The following CCDC178 variants were observed in gnomAD, a reference collection of about 807,000 sequenced individuals.
CCDC178 encodes coiled-coil domain containing 178, also known as coiled-coil domain-containing protein 178.
CCDC178 carries 126 observed loss-of-function variants against 117.4 expected under a neutral mutation model. That is an observed-to-expected ratio of 1.07 (90% CI 0.93 to 1.24). The LOEUF (loss-of-function observed/expected upper bound fraction) is 1.24, where lower values mean the gene tolerates loss of function less well. Among genes scored for constraint, CCDC178 ranks in the 50% most tolerant of loss-of-function variants. CCDC178 has a pLI of 0.00. For missense variants in CCDC178, 1,030 were observed against 986.9 expected, an observed-to-expected ratio of 1.04 and a Z score of -0.59; for synonymous variants, 283 against 313.4, an observed-to-expected ratio of 0.90 and a Z score of 1.02.
At chr18:32,993,018 T>C (rs1047054801) in intron 21 of CCDC178, among the ~76,000 whole-genome samples, 26 of 151,850 alleles carry the variant, frequency 1.7e-4, no homozygotes, top group African/African-American at 6.0e-4. Context: ...ATACAAAAAT[T>C]AGCAGGGCGT....
At chr18:33,282,002 A>G (rs1460629810) in intron 12 of CCDC178, among the ~76,000 whole-genome samples, 1 of 152,222 alleles carries the variant, frequency 6.6e-6, no homozygotes, top group Non-Finnish European at 1.5e-5. Context: ...AGGCACTGAG[A>G]CTACTGGCGT....
intron 21 of CCDC178, among the ~76,000 whole-genome samples, chr18:33,035,556 A>G (rs1472436016): frequency 1.3e-5 from 2 of 152,002 alleles, no homozygotes; most frequent in Non-Finnish European, 2.9e-5. Context: ...TGTAGAACCC[A>G]AGAAAAAATA....
chr18:32,985,165 T>G (rs537411701), intron 21 of CCDC178, among the ~76,000 whole-genome samples: 1 of 152,026 alleles, frequency 6.6e-6, no homozygotes, highest in Non-Finnish European at 1.5e-5. Flanking sequence ...ATATAGTATA[T>G]TTTTACTTTT....
intron 21 of CCDC178, among the ~76,000 whole-genome samples, chr18:32,999,891 C>T (rs1324769236): frequency 6.6e-6 from 1 of 151,920 alleles, no homozygotes; most frequent in Non-Finnish European, 1.5e-5. Context: ...CAGGTACAAA[C>T]AAGCCCATAC....
At chr18:33,423,263 T>C (rs2064056476) in intron 2 of CCDC178, among the ~76,000 whole-genome samples, 1 of 152,198 alleles carries the variant, frequency 6.6e-6, no homozygotes. Context: ...ATCAAAATCA[T>C]AATCCAATGA....
intron 2 of CCDC178, among the ~76,000 whole-genome samples, chr18:33,430,559 T>C (rs1160188729): frequency 6.6e-6 from 1 of 152,076 alleles, no homozygotes; most frequent in African/African-American, 2.4e-5. Flanking sequence ...CATGGAACCT[T>C]AGAAGCCATG....
At chr18:33,330,769 A>G (rs1474131589) in intron 10 of CCDC178, among the ~76,000 whole-genome samples, 1 of 152,090 alleles carries the variant, frequency 6.6e-6, no homozygotes, top group African/African-American at 2.4e-5. Context: ...TGCTTACAGG[A>G]TTCCTTCTTG....
chr18:32,954,774 C>T (rs907982676), intron 22 of CCDC178: 1 of 151,992 alleles, frequency 6.6e-6, no homozygotes, highest in African/African-American at 2.4e-5. Context: ...TCCCCAAACT[C>T]AGTAGTGTTA....
chr18:33,263,069 A>G (rs999091554), intron 14 of CCDC178, among the ~76,000 whole-genome samples: 4 of 152,176 alleles, frequency 2.6e-5, no homozygotes, highest in Admixed American at 6.5e-5. Flanking sequence ...CAACCTCCCT[A>G]GTAATCAAAT....
rs746505005 is a variant in CCDC178 at position 33,091,324 on chromosome 18, C to CTTTTTTTTTTTTTTTT, written c.2388+1421_2388+1436dup. Among the ~76,000 whole-genome samples the CTTTTTTTTTTTTTTTT allele has an allele frequency of 8.2e-3, 358 of 43,898 alleles. 153 individuals are homozygous for CTTTTTTTTTTTTTTTT. The highest frequency in any genetic ancestry group is 0.016 in the South Asian group (10 of 640). 28.8% of individuals were successfully genotyped at this position (43,898 alleles called of 152,430 possible). ...CTTTCCCAAACACACTTATTTCATT[C>CTTTTTTTTTTTTTTTT]TTTTTTTTTTTTTTTTTTTTTTTTT... is the stretch of plus-strand genomic sequence containing the variant. On this transcript the variant is annotated intron_variant, in intron 21 of 22. Coordinates refer to ENST00000383096, the MANE Select transcript of CCDC178 (RefSeq NM_001105528.4).
At position 33,138,700 on chromosome 18, in the gene CCDC178, G is replaced by T. The variant is rs145277239; in HGVS notation, c.2239-45790C>A. On this transcript the variant is annotated intron_variant, in intron 20 of 22. Transcript: ENST00000383096. ...TTAATATTGACCCAATTTAAAACAT[G>T]AGATATCCAAGATTCACAGAAGTCA... 3.9e-3 allele frequency among the ~76,000 whole-genome samples: 598 copies of T among 152,190 alleles called. 6 individuals are homozygous for T. The highest frequency in any genetic ancestry group is 0.013 in the African/African-American group (560 of 41,508).
At chr18:33,258,613 A>C (rs1668230612) in intron 14 of CCDC178, among the ~76,000 whole-genome samples, 1 of 152,188 alleles carries the variant, frequency 6.6e-6, no homozygotes. Context: ...TTTCCTATAC[A>C]ACAATGTAAA....
intron 15 of CCDC178, among the ~76,000 whole-genome samples, chr18:33,243,037 G>C (rs113846856): frequency 2.0e-5 from 3 of 151,822 alleles, no homozygotes; most frequent in African/African-American, 7.2e-5. Flanking sequence ...AACAGAAAGT[G>C]GTATATATAC....
At chr18:33,188,935 C>T (rs898184451) in intron 20 of CCDC178, among the ~76,000 whole-genome samples, 1 of 152,056 alleles carries the variant, frequency 6.6e-6, no homozygotes, top group Non-Finnish European at 1.5e-5. Flanking sequence ...ATAATGTAAT[C>T]GTCTGATTGA....
intron 21 of CCDC178, among the ~76,000 whole-genome samples, chr18:33,012,166 G>A (rs1391105658): frequency 1.3e-5 from 2 of 152,178 alleles, no homozygotes; most frequent in Admixed American, 1.3e-4. Flanking sequence ...ATTTAAGATA[G>A]TGAGGGCTCA....
chr18:33,250,132 T>C (rs57141460), intron 14 of CCDC178, among the ~76,000 whole-genome samples: 10,227 of 151,810 alleles, frequency 0.067, 513 homozygotes, highest in African/African-American at 0.14. Context: ...ATAAACAAGA[T>C]GATATAAAAA....
At chr18:33,083,738 G>A (rs1275979053) in intron 21 of CCDC178, among the ~76,000 whole-genome samples, 2 of 152,190 alleles carry the variant, frequency 1.3e-5, no homozygotes, top group African/African-American at 2.4e-5. Flanking sequence ...TTAAGTTCAT[G>A]TTTGACACAG....
At chr18:33,055,807 A>AT (rs111278278) in intron 21 of CCDC178, among the ~76,000 whole-genome samples, 21,302 of 140,252 alleles carry the variant, frequency 0.15, 2,274 homozygotes, top group African/African-American at 0.31. Context: ...TCAATGGATA[A>AT]TTTTTTTTTT....
chr18:33,107,097 C>A (rs924207517), intron 20 of CCDC178, among the ~76,000 whole-genome samples: 1 of 151,622 alleles, frequency 6.6e-6, no homozygotes, highest in African/African-American at 2.4e-5. Flanking sequence ...CCATCAAGAC[C>A]CAAGTCAGAC....
Sources: gnomAD v4.1 joint callset for allele counts (sites outside exome capture counted in the v4.1 genomes callset) on GRCh38, gnomAD v4.1.1 for gene constraint, MANE v1.5 for transcripts, NCBI Gene and HGNC (gene_info 2026-07-23, HGNC 2026-07-21) for gene names.